CCDC91: variants seen among roughly 807,000 people sequenced by gnomAD.
The protein encoded by CCDC91 is coiled-coil domain containing 91, also known as coiled-coil domain-containing protein 91.
Under a neutral mutation model 63.2 loss-of-function variants are expected in CCDC91, and 48 were observed. The ratio of observed to expected loss-of-function variants is 0.76; its 90% confidence interval spans 0.60 to 0.97. The LOEUF (loss-of-function observed/expected upper bound fraction) is 0.97, where lower values mean the gene tolerates loss of function less well. CCDC91 is among the 50% of genes least tolerant of loss of function. The probability of loss-of-function intolerance (pLI) is 0.00; values close to 1 mark genes in which losing one functional copy is unlikely to be tolerated. For missense variants in CCDC91, 500 were observed against 494.6 expected, an observed-to-expected ratio of 1.01 and a Z score of -0.10; for synonymous variants, 167 against 165.8, an observed-to-expected ratio of 1.01 and a Z score of -0.06.
intron 7 of CCDC91, among the ~76,000 whole-genome samples, chr12:28,364,655 A>G (rs1432605503): frequency 1.3e-5 from 2 of 152,172 alleles, no homozygotes; most frequent in African/African-American, 4.8e-5. Flanking sequence ...AAAAGCAATA[A>G]AAATAACAGT....
At chr12:28,331,017 G>A (rs1941457778) in intron 6 of CCDC91, among the ~76,000 whole-genome samples, 1 of 152,146 alleles carries the variant, frequency 6.6e-6, no homozygotes, top group Admixed American at 6.6e-5. Flanking sequence ...TTTCAGCAAA[G>A]AAAGGTTATG....
chr12:28,259,257 G>C, intron 2 of CCDC91, 107 bp from the exon 3 acceptor site: 1 of 774,162 alleles, frequency 1.3e-6, no homozygotes, highest in Non-Finnish European at 2.3e-6. Flanking sequence ...ATATGAAAAT[G>C]TCTGGTGTGT....
chr12:28,262,614 T>G (rs1946899644), intron 3 of CCDC91, among the ~76,000 whole-genome samples: 1 of 152,056 alleles, frequency 6.6e-6, no homozygotes, highest in African/African-American at 2.4e-5. Flanking sequence ...TAGTGAACTC[T>G]TAAAATGCTA....
intron 1 of CCDC91, among the ~76,000 whole-genome samples, chr12:28,205,908 T>C (rs1942813728): frequency 6.6e-6 from 1 of 152,200 alleles, no homozygotes. Context: ...TTCTCAATTT[T>C]TGAGAGATTG....
chr12:28,512,911 G>A (rs996451245), intron 12 of CCDC91, among the ~76,000 whole-genome samples: 1 of 151,884 alleles, frequency 6.6e-6, no homozygotes, highest in African/African-American at 2.4e-5. Flanking sequence ...TGCAGAAAAG[G>A]TCCTTATATT....
intron 11 of CCDC91, among the ~76,000 whole-genome samples, chr12:28,468,213 T>A (rs1312761342): frequency 1.3e-5 from 2 of 149,576 alleles, no homozygotes; most frequent in Admixed American, 6.8e-5. Flanking sequence ...AACAAAGAGA[T>A]GATCCAAATA....
At chr12:28,305,850 A>T (rs1377959084) in intron 4 of CCDC91, 44 bp downstream of exon 4, 5 of 1,479,624 alleles carry the variant, frequency 3.4e-6, no homozygotes, top group Non-Finnish European at 4.6e-6. Context: ...ATATTTAAAA[A>T]ATTGCCTGCT....
chr12:28,423,730 A>G (rs1478164002), intron 8 of CCDC91, among the ~76,000 whole-genome samples: 1 of 152,168 alleles, frequency 6.6e-6, no homozygotes, highest in Admixed American at 6.6e-5. Flanking sequence ...ACATGTATTT[A>G]ATATTTTTTA....
intron 11 of CCDC91, among the ~76,000 whole-genome samples, chr12:28,471,758 C>CTTTTTTTTTTTT (rs375850875): frequency 1.3e-5 from 2 of 149,354 alleles, no homozygotes; most frequent in Non-Finnish European, 1.5e-5. Context: ...TTTTCTCTCT[C>CTTTTTTTTTTTT]TTTTTTTTTG....
At chr12:28,416,315 C>T (rs1214049838) in intron 8 of CCDC91, among the ~76,000 whole-genome samples, 2 of 152,100 alleles carry the variant, frequency 1.3e-5, no homozygotes, top group Middle Eastern at 3.4e-3. Flanking sequence ...TAAACCAATT[C>T]TGTCTTACCC....
At chr12:28,327,695 C>T (rs1347726104) in intron 6 of CCDC91, among the ~76,000 whole-genome samples, 4 of 152,128 alleles carry the variant, frequency 2.6e-5, no homozygotes, top group African/African-American at 9.7e-5. Context: ...ATTCCCTTGG[C>T]GTGAAACAAC....
chr12:28,391,092 C>G (rs1241849041), intron 7 of CCDC91, among the ~76,000 whole-genome samples: 1 of 151,724 alleles, frequency 6.6e-6, no homozygotes. Flanking sequence ...ACGTCTGAGC[C>G]AAAAAATTGT....
chr12:28,264,647 CA>C (rs1947070737), intron 3 of CCDC91, among the ~76,000 whole-genome samples: 1 of 142,558 alleles, frequency 7.0e-6, no homozygotes, highest in African/African-American at 2.6e-5. Context: ...TTTCCCCCTC[CA>C]ATGTAAATTC....
intron 3 of CCDC91, among the ~76,000 whole-genome samples, chr12:28,265,315 T>G (rs1463980357): frequency 6.6e-6 from 1 of 151,948 alleles, no homozygotes; most frequent in Non-Finnish European, 1.5e-5. Context: ...CCAAATTAGC[T>G]CCTTCCAAAC....
chr12:28,538,980 T>A (rs1037875805), intron 12 of CCDC91, among the ~76,000 whole-genome samples: 1 of 152,166 alleles, frequency 6.6e-6, no homozygotes, highest in African/African-American at 2.4e-5. Context: ...TAAATTTGTT[T>A]GAGTTCTTTG....
chr12:28,210,644 A>T (rs1307198881), intron 1 of CCDC91, among the ~76,000 whole-genome samples: 1 of 152,022 alleles, frequency 6.6e-6, no homozygotes, highest in African/African-American at 2.4e-5. Flanking sequence ...TAAGCATAGG[A>T]CTCTTTAATA....
intron 3 of CCDC91, among the ~76,000 whole-genome samples, chr12:28,280,464 G>A (rs1298017769): frequency 6.6e-6 from 1 of 151,932 alleles, no homozygotes; most frequent in Non-Finnish European, 1.5e-5. Context: ...AAAACATTCT[G>A]TCTGTGAGGT....
chr12:28,242,894 C>A (rs1255533104), intron 1 of CCDC91, among the ~76,000 whole-genome samples: 1 of 152,042 alleles, frequency 6.6e-6, no homozygotes, highest in East Asian at 1.9e-4. Context: ...AGCGCCTGCC[C>A]CCCTCTTGCT....
At chr12:28,317,682 T>G (rs546801659) in intron 6 of CCDC91, among the ~76,000 whole-genome samples, 18 of 151,938 alleles carry the variant, frequency 1.2e-4, no homozygotes, top group Non-Finnish European at 2.4e-4. Flanking sequence ...TATTTTTTAA[T>G]TTTTTTAGAG....
Sources: gnomAD v4.1 joint callset for allele counts (sites outside exome capture counted in the v4.1 genomes callset) on GRCh38, gnomAD v4.1.1 for gene constraint, MANE v1.5 for transcripts, NCBI Gene and HGNC (gene_info 2026-07-23, HGNC 2026-07-21) for gene names.